Variants in NCKAP5 observed in about 807,000 individuals in gnomAD.
NCKAP5 encodes the protein nck-associated protein 5.
NCKAP5 carries 92 observed loss-of-function variants against 167.0 expected under a neutral mutation model. The observed-to-expected ratio is 0.55, with a 90% CI of 0.47 to 0.66. NCKAP5 has a LOEUF of 0.66. Among genes scored for constraint, NCKAP5 ranks in the 30% least tolerant of loss-of-function variants. The pLI, the probability that NCKAP5 is intolerant of heterozygous loss-of-function variation, is 0.00. For synonymous variants in NCKAP5, 891 were observed against 877.4 expected (o/e 1.02, Z -0.27); for missense variants, 2,378 against 2,315.0 (o/e 1.03, Z -0.56).
intron 3 of NCKAP5, among the ~76,000 whole-genome samples, chr2:133,357,273 TCA>T: frequency 8.1e-6 from 1 of 122,758 alleles, no homozygotes; most frequent in East Asian, 2.4e-4. Context: ...ATTAGTTGGG[TCA>T]CACACATACA....
intron 8 of NCKAP5, among the ~76,000 whole-genome samples, chr2:132,904,426 C>T (rs1441062672): frequency 1.3e-5 from 2 of 151,850 alleles, no homozygotes; most frequent in Non-Finnish European, 2.9e-5. Flanking sequence ...TGGGACCATA[C>T]TATACGTTAT....
chr2:133,542,351 T>C (rs1054794885), intron 2 of NCKAP5, among the ~76,000 whole-genome samples: 6 of 152,216 alleles, frequency 3.9e-5, no homozygotes, highest in Admixed American at 3.9e-4. Context: ...GGATGTCCTA[T>C]AATCCTATAA....
intron 19 of NCKAP5, among the ~76,000 whole-genome samples, chr2:132,722,032 A>T (rs1205858458): frequency 6.6e-6 from 1 of 152,100 alleles, no homozygotes; most frequent in East Asian, 1.9e-4. Flanking sequence ...TCAGGCTGGG[A>T]CTCACTTCAT....
chr2:132,755,797 C>G (rs561547240), intron 16 of NCKAP5, among the ~76,000 whole-genome samples: 52 of 150,560 alleles, frequency 3.5e-4, no homozygotes, highest in Admixed American at 3.3e-3. Flanking sequence ...TGCCGCTACA[C>G]TCCAGCCTGG....
At chr2:133,384,389 G>A (rs1230869577) in intron 3 of NCKAP5, among the ~76,000 whole-genome samples, 1 of 152,156 alleles carries the variant, frequency 6.6e-6, no homozygotes, top group Admixed American at 6.5e-5. Context: ...TTATTTCTGA[G>A]GTCTCTGTTC....
intron 1 of NCKAP5, among the ~76,000 whole-genome samples, chr2:133,562,681 T>C (rs947376725): frequency 3.9e-5 from 6 of 152,368 alleles, no homozygotes; most frequent in East Asian, 3.9e-4. Context: ...ACTGGGCTTC[T>C]ACAATGCATC....
chr2:132,920,459 A>AC (rs1253519416), intron 8 of NCKAP5, among the ~76,000 whole-genome samples: 27 of 150,306 alleles, frequency 1.8e-4, no homozygotes, highest in Non-Finnish European at 3.7e-4. Flanking sequence ...AGAAAAAAGG[A>AC]CCCCCTTTTG....
the NCKAP5 span, among the ~76,000 whole-genome samples, chr2:133,647,990 A>G: frequency 6.6e-6 from 1 of 152,180 alleles, no homozygotes; most frequent in Non-Finnish European, 1.5e-5. Flanking sequence ...GCTGTCTATA[A>G]GAAATTGATT....
At chr2:132,911,211 C>A (rs1694424064) in intron 8 of NCKAP5, 1 of 180,158 alleles carries the variant, frequency 5.6e-6, no homozygotes, top group South Asian at 1.3e-4. Flanking sequence ...AATTGCTGGT[C>A]ATTTCAGACT....
chr2:133,026,937 T>C (rs2078717881), intron 6 of NCKAP5, among the ~76,000 whole-genome samples: 1 of 152,172 alleles, frequency 6.6e-6, no homozygotes, highest in Admixed American at 6.5e-5. Context: ...TCTGTCCTGC[T>C]CTATTCCTGT....
At chr2:132,740,274 T>G (rs1412218703) in intron 16 of NCKAP5, among the ~76,000 whole-genome samples, 2 of 152,164 alleles carry the variant, frequency 1.3e-5, no homozygotes, top group Non-Finnish European at 2.9e-5. Flanking sequence ...TCTTATTAAT[T>G]GGCATGCATT....
the NCKAP5 span, among the ~76,000 whole-genome samples, chr2:133,669,709 G>A: frequency 1.3e-5 from 2 of 152,178 alleles, no homozygotes; most frequent in African/African-American, 2.4e-5. Context: ...CATGGGTGGA[G>A]CGTTGTCCAA....
chr2:133,177,350 T>C (rs2084514325), intron 5 of NCKAP5, among the ~76,000 whole-genome samples: 1 of 152,018 alleles, frequency 6.6e-6, no homozygotes, highest in Non-Finnish European at 1.5e-5. Context: ...AGAGATTTAA[T>C]CACATTCCCT....
chr2:132,766,278 C>CAAAAAAAAAAAAAA (rs70973405), intron 16 of NCKAP5, among the ~76,000 whole-genome samples: 1 of 38,424 alleles, frequency 2.6e-5, no homozygotes, highest in African/African-American at 9.0e-5. Context: ...GATTCTGTCT[C>CAAAAAAAAAAAAAA]AAAAAAAAAA....
chr2:133,434,625 G>T (rs974734980), intron 3 of NCKAP5, among the ~76,000 whole-genome samples: 1 of 152,200 alleles, frequency 6.6e-6, no homozygotes, highest in African/African-American at 2.4e-5. Flanking sequence ...CTTTACAATA[G>T]TGCCAGGCAC....
chr2:132,781,222 T>C lies in NCKAP5; in HGVS notation c.4879A>G (p.Lys1627Glu). 1 of 1,613,556 alleles carries C rather than the reference T, an allele frequency of 6.2e-7. No individual in the cohort carries two copies. The highest frequency in any genetic ancestry group is 1.1e-5 in the South Asian group (1 of 90,938). The change falls in exon 15 of 20, where the codon AAG becomes GAG. Residue 1627 changes from lysine to glutamate, a missense_variant. Coordinates refer to ENST00000409261, the MANE Select transcript of NCKAP5 (RefSeq NM_207363.3). ...CTTTCTGTCTGTGGAGCTGCTTTCTTATCAACTCTGCAGGTAGAAAGTGAT... is the reference window on the plus strand; with the variant it reads ...CTTTCTGTCTGTGGAGCTGCTTTCTCATCAACTCTGCAGGTAGAAAGTGAT... ...FMTELLNRVD[K>E]KAAPQTESGS...
At chr2:133,464,464 T>A (rs1288877452) in intron 3 of NCKAP5, among the ~76,000 whole-genome samples, 1 of 151,846 alleles carries the variant, frequency 6.6e-6, no homozygotes, top group East Asian at 1.9e-4. Context: ...CCAAGGCAGG[T>A]GGATCATGAG....
chr2:133,028,004 C>T (rs1024105365), intron 6 of NCKAP5, among the ~76,000 whole-genome samples: 16 of 152,062 alleles, frequency 1.1e-4, no homozygotes, highest in Admixed American at 5.2e-4. Flanking sequence ...TTTTGAGCAT[C>T]GACAAGATAT....
intron 8 of NCKAP5, among the ~76,000 whole-genome samples, chr2:132,883,980 G>C (rs1456541299): frequency 6.6e-6 from 1 of 152,166 alleles, no homozygotes; most frequent in Non-Finnish European, 1.5e-5. Flanking sequence ...CCCGGAAAAA[G>C]TCTGTTTGAG....
Sources: gnomAD v4.1 joint callset for allele counts (sites outside exome capture counted in the v4.1 genomes callset) on GRCh38, gnomAD v4.1.1 for gene constraint, MANE v1.5 for transcripts, NCBI Gene and HGNC (gene_info 2026-07-23, HGNC 2026-07-21) for gene names.